Variants in CEACAM1 observed in about 807,000 individuals in gnomAD.
CEACAM1 encodes the protein cell adhesion molecule CEACAM1.
Under a neutral mutation model 49.1 loss-of-function variants are expected in CEACAM1, and 31 were observed. The ratio of observed to expected loss-of-function variants is 0.63; its 90% CI spans 0.47 to 0.85. CEACAM1 has a LOEUF of 0.85. CEACAM1 is among the 40% of genes least tolerant of loss of function. The pLI is 0.00. For synonymous variants in CEACAM1, 244 were observed against 247.8 expected, an observed-to-expected ratio of 0.98 and a Z score of 0.14; for missense variants, 570 against 645.3, an observed-to-expected ratio of 0.88 and a Z score of 1.26.
At chr19:42,524,383 A>T (rs1416557287) in intron 2 of CEACAM1, among the ~76,000 whole-genome samples, 1 of 152,210 alleles carries the variant, frequency 6.6e-6, no homozygotes, top group Non-Finnish European at 1.5e-5. Flanking sequence ...AAATGAGCCC[A>T]TGGGCTTTGG....
intron 8 of CEACAM1, 127 bp from the exon 9 acceptor site, chr19:42,509,355 G>T: frequency 2.8e-6 from 3 of 1,077,302 alleles, no homozygotes; most frequent in East Asian, 2.5e-5. Flanking sequence ...GGCTTTTGTT[G>T]TTACCCATTC....
Position 42,507,308 on chromosome 19 carries a change from G to A in CEACAM1, c.*1801C>T, listed in dbSNP as rs2041360948. 2.6e-5 allele frequency: 4 copies of A among 152,036 alleles called. No individual in the cohort carries two copies. The allele number at this position is 152,036 out of a possible 1,614,324, so 9.4% of individuals were successfully genotyped here. A position where few individuals can be genotyped will look rare whatever the true frequency, so the allele number is the denominator to read the frequency against. ...AGTATCAACCATGAGGCAGCATGTC[G>A]ATGTCTGATATATTATTTTTATTAT... is the stretch of plus-strand genomic sequence containing the variant. On this transcript the variant is annotated 3_prime_UTR_variant, in exon 9 of 9. Coordinates refer to ENST00000161559, the MANE Select transcript of CEACAM1 (RefSeq NM_001712.5).
rs766860794 is a variant in CEACAM1, at chr19:42,527,225, T to G, written c.240A>C (p.Val80=). 1.9e-6 allele frequency: 3 copies of G among 1,614,088 alleles called. No individual in the cohort carries two copies. The South Asian group carries it at 3.3e-5, about 18-fold the overall frequency. ...CTTGTTGAGTTCCTATTGCATATCC[T>G]ACAATTTGACGGTTGCCATCCACTC... ...GERVDGNRQI[V]GYAIGTQQAT... is the part of the protein sequence containing the mutation. The change falls in exon 2 of 9, where the codon GTA becomes GTC. Residue 80 remains valine (V), a synonymous_variant. Transcript: ENST00000161559.
At chr19:42,527,504 A>AGTTTGTGT in intron 1 of CEACAM1, 104 bp from the exon 2 acceptor site, 1 of 714,204 alleles carries the variant, frequency 1.4e-6, no homozygotes. Flanking sequence ...TCCACCTTGG[A>AGTTTGTGT]GTGTGTGTGT....
At chr19:42,528,046 T>G (rs1394250442) in intron 1 of CEACAM1, among the ~76,000 whole-genome samples, 2 of 152,240 alleles carry the variant, frequency 1.3e-5, no homozygotes, top group Non-Finnish European at 2.9e-5. Context: ...TGACTTAAAT[T>G]GTGATTATTG....
At position 42,510,888 on chromosome 19, in the gene CEACAM1, C is replaced by T; in HGVS notation, c.1461+1G>A. 6.2e-7 allele frequency: 1 copy of T among 1,613,440 alleles called. No homozygotes were observed. Among genetic ancestry groups the T allele is most frequent in the East Asian group, 2.2e-5 (1 of 44,882 alleles). ...AGCCCATGAAAACCGGCTATGCTTA[C>T]CTTGTTAGGTGGGTCATTGGAGTGG... On this transcript the variant is annotated splice_donor_variant, in intron 8 of 8. Transcript: ENST00000161559. LOFTEE classifies it high-confidence loss of function.
chr19:42,526,958 A>C (rs931297348), intron 2 of CEACAM1, 83 bp downstream of exon 2: 10 of 1,558,614 alleles, frequency 6.4e-6, no homozygotes, highest in Non-Finnish European at 7.8e-6. Context: ...AGGAGGACAC[A>C]GGCACAGCCC....
chr19:42,512,401 G>T lies in CEACAM1; in HGVS notation c.1325C>A (p.Ala442Asp), dbSNP rs781417269. 1.2e-6 allele frequency: 2 copies of T among 1,614,174 alleles called. No homozygotes were observed. The highest frequency in any genetic ancestry group is 1.7e-6 in the Non-Finnish European group (2 of 1,179,996). The stretch of plus-strand genomic sequence containing the variant: ...ACATGCCAGGGCTACTGCTATCAGA[G>T]CAACCAGGGCCACTACTCCAATCAC... The part of the protein sequence containing the change: ...GIVIGVVALV[A>D]LIAVALACFL... The change falls in exon 6 of 9, where the codon GCT (alanine) becomes GAT (aspartate). Residue 442 changes from alanine (A) to aspartate (D), a missense_variant. By Grantham distance (126) the Ala-to-Asp change is moderately radical. Transcript: ENST00000161559.
intron 2 of CEACAM1, chr19:42,525,630 C>T (rs1364056026): frequency 1.3e-5 from 2 of 152,192 alleles, no homozygotes; most frequent in Non-Finnish European, 2.9e-5. Flanking sequence ...CAGGATCTCC[C>T]CTCTGGGCTG....
Position 42,519,158 on chromosome 19 carries a change from G to T in CEACAM1, c.1036C>A (p.Leu346Met), listed in dbSNP as rs765315875. 2 of 1,614,170 alleles carry T rather than the reference G, an allele frequency of 1.2e-6. No individual in the cohort carries two copies. Among genetic ancestry groups the T allele is most frequent in the Admixed American group, 1.7e-5 (1 of 60,032 alleles). ...CCAGTGTCATTTGTGGAGCAGGTCA[G>T]GTTCACAGAGTCCTTATCTCCTGTG... ...TVTGDKDSVNLTCSTNDTGIS... is the reference protein window; with the variant it reads ...TVTGDKDSVNMTCSTNDTGIS... Residue 346 changes from leucine to methionine, a missense_variant, in exon 5 of 9, where the codon CTG becomes ATG. Coordinates refer to ENST00000161559, the MANE Select transcript of CEACAM1 (RefSeq NM_001712.5).
At chr19:42,511,689 T>C in intron 6 of CEACAM1, 61 bp from the exon 7 acceptor site, 2 of 1,524,790 alleles carry the variant, frequency 1.3e-6, no homozygotes, top group Non-Finnish European at 1.8e-6. Context: ...GTTCCGTAAG[T>C]TAGGAAGGAC....
chr19:42,516,883 AAAAC>A (rs1313605903), intron 5 of CEACAM1: 2 of 422,400 alleles, frequency 4.7e-6, no homozygotes, highest in South Asian at 3.4e-5. Context: ...GAAAAGCAAA[AAAAC>A]AAAACAAAAC....
intron 2 of CEACAM1, 31 bp downstream of exon 2, chr19:42,527,010 C>G (rs1459387509): frequency 1.9e-6 from 3 of 1,576,866 alleles, no homozygotes; most frequent in Non-Finnish European, 2.6e-6. Flanking sequence ...ACTAACCCCC[C>G]AACACCCAGA....
In CEACAM1 at chr19:42,510,895, A is replaced by G; in HGVS notation, c.1455T>C (p.Pro485=). 1 of 1,613,832 alleles carries G rather than the reference A, an allele frequency of 6.2e-7. No individual in the cohort carries two copies. Among genetic ancestry groups the G allele is most frequent in the Non-Finnish European group, 8.5e-7 (1 of 1,179,664 alleles). ...NHTQDHSNDP[P]NKMNEVTYST... is the part of the protein sequence containing the mutation. ...GAAAACCGGCTATGCTTACCTTGTT[A>G]GGTGGGTCATTGGAGTGGTCCTGAG... is the stretch of plus-strand genomic sequence containing the variant. Residue 485 remains proline (P), a synonymous_variant, in exon 8 of 9, where the codon CCT becomes CCC. Coordinates refer to ENST00000161559, the MANE Select transcript of CEACAM1 (RefSeq NM_001712.5).
intron 5 of CEACAM1, chr19:42,516,955 T>C (rs1185730386): frequency 8.1e-6 from 3 of 369,132 alleles, no homozygotes; most frequent in Non-Finnish European, 1.0e-5. Context: ...GCTACAGTAA[T>C]CAAAACAGTA....
chr19:42,509,512 C>T (rs1273826719), intron 8 of CEACAM1, among the ~76,000 whole-genome samples: 1 of 152,164 alleles, frequency 6.6e-6, no homozygotes, highest in African/African-American at 2.4e-5. Flanking sequence ...GTTGAAGAAG[C>T]CACATATAAG....
chr19:42,527,682 G>A (rs2041931079), intron 1 of CEACAM1: 2 of 362,066 alleles, frequency 5.5e-6, no homozygotes, highest in South Asian at 1.1e-4. Flanking sequence ...TCACATCAGG[G>A]TGCTCTTGGG....
intron 2 of CEACAM1, among the ~76,000 whole-genome samples, chr19:42,522,671 C>G (rs901936888): frequency 3.9e-5 from 6 of 152,204 alleles, no homozygotes; most frequent in Admixed American, 3.3e-4. Flanking sequence ...AAGCGATTCT[C>G]CTGCCTCAGC....
In CEACAM1 at chr19:42,512,364, G is replaced by A. The variant is rs753404717; in HGVS notation, c.1362C>T (p.Phe454=). ...IAVALACFLH[F]GKTGRASDQR... is the part of the protein sequence containing the mutation. ...GGCCATCATACCTGCCGGTCTTCCC[G>A]AAATGCAGAAAACATGCCAGGGCTA... Residue 454 remains phenylalanine (F), a synonymous_variant, in exon 6 of 9, where the codon TTC becomes TTT. Transcript: ENST00000161559. 8 of 1,614,046 alleles carry A rather than the reference G, an allele frequency of 5.0e-6. No homozygotes were observed. The highest frequency in any genetic ancestry group is 2.2e-5 in the South Asian group (2 of 91,078).
Sources: gnomAD v4.1 joint callset for allele counts (sites outside exome capture counted in the v4.1 genomes callset) on GRCh38, gnomAD v4.1.1 for gene constraint, MANE v1.5 for transcripts, NCBI Gene and HGNC (gene_info 2026-07-23, HGNC 2026-07-21) for gene names.